CYP3A7: variants seen among roughly 807,000 people sequenced by gnomAD.
The protein encoded by CYP3A7 is cytochrome P450 3A7.
In CYP3A7, 45 loss-of-function variants were observed where a neutral mutation model predicts 55.2. The observed-to-expected ratio is 0.82, with a 90% CI of 0.64 to 1.05. The LOEUF (loss-of-function observed/expected upper bound fraction) is 1.05. CYP3A7 is among the 50% of genes least tolerant of loss of function. CYP3A7 has a pLI of 0.00. For missense variants in CYP3A7, 548 were observed against 605.3 expected, an observed-to-expected ratio of 0.91 and a Z score of 0.99; for synonymous variants, 180 against 207.4, an observed-to-expected ratio of 0.87 and a Z score of 1.13.
intron 3 of CYP3A7, 108 bp downstream of exon 3, chr7:99,722,188 G>C: frequency 7.2e-7 from 1 of 1,387,164 alleles, no homozygotes; most frequent in Non-Finnish European, 1.0e-6. Flanking sequence ...TAGTTAGGCT[G>C]GCAAGAGCTT....
At chr7:99,720,854 G>C (rs931121123) in intron 3 of CYP3A7, 1 of 180,186 alleles carries the variant, frequency 5.5e-6, no homozygotes, top group African/African-American at 2.4e-5. Context: ...AATGTTTCAA[G>C]GGCAGTTGCT....
rs1813575251 is a variant in CYP3A7, at chr7:99,707,668, G to A, written c.1416+144C>T. On this transcript the variant is annotated intron_variant, in intron 12 of 12. Transcript: ENST00000336374. ...ACTCCAGAACTGAAGCACCCTTAAAGATCATAGATGGGTCCAAATAGATTC... is the reference window on the plus strand; with the variant it reads ...ACTCCAGAACTGAAGCACCCTTAAAAATCATAGATGGGTCCAAATAGATTC... 27 of 1,370,540 alleles carry A rather than the reference G, an allele frequency of 2.0e-5. No homozygotes were observed. The South Asian group carries it at 3.0e-4, about 15-fold the overall frequency. The allele number at this position is 1,370,540 out of a possible 1,614,324, so 84.9% of individuals were successfully genotyped here.
intron 2 of CYP3A7, among the ~76,000 whole-genome samples, chr7:99,726,735 C>T (rs956476122): frequency 6.6e-6 from 1 of 152,230 alleles, no homozygotes; most frequent in Non-Finnish European, 1.5e-5. Context: ...TGATGACCTT[C>T]TACTCTGTAG....
chr7:99,731,329 T>C (rs1280292912), intron 1 of CYP3A7, among the ~76,000 whole-genome samples, 177 bp from the exon 2 acceptor site: 3 of 152,192 alleles, frequency 2.0e-5, no homozygotes, highest in Non-Finnish European at 4.4e-5. Flanking sequence ...CCTTTCATGC[T>C]TCCACCATGA....
At chr7:99,722,865 T>C (rs369209496) in intron 2 of CYP3A7, among the ~76,000 whole-genome samples, 7 of 152,296 alleles carry the variant, frequency 4.6e-5, no homozygotes, top group African/African-American at 1.7e-4. Flanking sequence ...TTTAGATAAG[T>C]GTGAGGCATG....
chr7:99,708,974 A>G (rs1319720662), intron 11 of CYP3A7, 61 bp downstream of exon 11: 17 of 1,572,940 alleles, frequency 1.1e-5, no homozygotes, highest in Admixed American at 6.7e-5. Context: ...TCCTGTAGAG[A>G]GGCAGAATAT....
rs758560391 is a variant in CYP3A7, at chr7:99,713,529, C to G, written c.805G>C (p.Val269Leu). The G allele has an allele frequency of 1.6e-5, 26 of 1,613,306 alleles. No homozygotes were observed. Among genetic ancestry groups the G allele is most frequent in the Non-Finnish European group, 2.1e-5 (25 of 1,179,542 alleles). The change falls in exon 9 of 13, where the codon GTG (valine) becomes CTG (leucine). Residue 269 changes from valine to leucine, a missense_variant. By Grantham distance (32) the Val-to-Leu change is conservative. Coordinates refer to ENST00000336374, the MANE Select transcript of CYP3A7 (RefSeq NM_000765.5). ...TCAATCATCAGCTGAAGGAAATCCACTCGGTGCTAGAAGCAAAAAGAGAAA... is the reference window on the plus strand; with the variant it reads ...TCAATCATCAGCTGAAGGAAATCCAGTCGGTGCTAGAAGCAAAAAGAGAAA... Reference protein sequence around the residue: ...GRLKETQKHRVDFLQLMIDSQ... With the variant: ...GRLKETQKHRLDFLQLMIDSQ...
intron 4 of CYP3A7, among the ~76,000 whole-genome samples, chr7:99,719,659 C>T (rs1305461211): frequency 2.0e-5 from 3 of 152,158 alleles, no homozygotes; most frequent in Admixed American, 2.0e-4. Flanking sequence ...TAAAGACCCT[C>T]TCAGAGAAAA....
chr7:99,715,595 G>C, intron 7 of CYP3A7, 163 bp downstream of exon 7: 1 of 1,236,966 alleles, frequency 8.1e-7, no homozygotes, highest in Non-Finnish European at 1.1e-6. Flanking sequence ...AATGACAGAA[G>C]TGTTTTAAAG....
intron 1 of CYP3A7, among the ~76,000 whole-genome samples, chr7:99,732,703 A>T (rs1563030044): frequency 1.3e-5 from 2 of 152,292 alleles, no homozygotes; most frequent in South Asian, 4.1e-4. Context: ...TTCAACCATG[A>T]ATCTGCTAGT....
intron 9 of CYP3A7, among the ~76,000 whole-genome samples, chr7:99,713,181 G>C (rs761389241): frequency 1.3e-5 from 2 of 152,156 alleles, no homozygotes; most frequent in Non-Finnish European, 2.9e-5. Flanking sequence ...TGTGGATCTG[G>C]AGGAGGCTGA....
chr7:99,720,231 A>G, intron 4 of CYP3A7, 82 bp downstream of exon 4: 7 of 1,549,730 alleles, frequency 4.5e-6, no homozygotes, highest in Middle Eastern at 2.3e-4. Context: ...TTTTTAGGCA[A>G]CTGTCTATGA....
chr7:99,710,583 C>T (rs1389605869), intron 10 of CYP3A7, 149 bp downstream of exon 10: 16 of 1,439,970 alleles, frequency 1.1e-5, no homozygotes, highest in Non-Finnish European at 1.5e-5. Context: ...CCCTATGCTT[C>T]CTTCTTTTTA....
At chr7:99,707,483 GATA>G (rs1349213513) in intron 12 of CYP3A7, among the ~76,000 whole-genome samples, 2 of 152,122 alleles carry the variant, frequency 1.3e-5, no homozygotes, top group Non-Finnish European at 2.9e-5. Flanking sequence ...GTCAAAACAA[GATA>G]ATAAGTGCAC....
intron 7 of CYP3A7, chr7:99,715,332 C>T (rs185069469): frequency 5.0e-6 from 1 of 199,100 alleles, no homozygotes; most frequent in Non-Finnish European, 1.0e-5. Context: ...AATCAATAAT[C>T]TACATTCATG....
At chr7:99,730,906 G>A (rs1814587289) in intron 2 of CYP3A7, 153 bp downstream of exon 2, 1 of 998,532 alleles carries the variant, frequency 1.0e-6, no homozygotes, top group Admixed American at 2.6e-5. Flanking sequence ...GAGCCCCAGG[G>A]TAAACTTTGC....
intron 2 of CYP3A7, among the ~76,000 whole-genome samples, chr7:99,725,613 G>A (rs764495993): frequency 2.2e-4 from 34 of 152,350 alleles, no homozygotes; most frequent in Non-Finnish European, 3.1e-4. Context: ...TGCCCTGTCT[G>A]TGTGGGCTCC....
intron 1 of CYP3A7, among the ~76,000 whole-genome samples, chr7:99,734,109 C>G (rs1814734792): frequency 6.6e-6 from 1 of 152,150 alleles, no homozygotes; most frequent in Non-Finnish European, 1.5e-5. Flanking sequence ...GAATTTAAGC[C>G]ACACCAATTC....
intron 2 of CYP3A7, among the ~76,000 whole-genome samples, chr7:99,725,230 C>T (rs1156408183): frequency 6.6e-6 from 1 of 152,138 alleles, no homozygotes; most frequent in Non-Finnish European, 1.5e-5. Context: ...CAGCCCTGGA[C>T]CCAGAGGGGC....
Sources: gnomAD v4.1 joint callset for allele counts (sites outside exome capture counted in the v4.1 genomes callset) on GRCh38, gnomAD v4.1.1 for gene constraint, MANE v1.5 for transcripts, NCBI Gene and HGNC (gene_info 2026-07-23, HGNC 2026-07-21) for gene names.